The following KCNMB2 variants were observed in gnomAD, a reference collection of about 807,000 sequenced individuals.
The protein encoded by KCNMB2 is potassium calcium-activated channel subfamily M regulatory beta subunit 2.
Under a neutral mutation model 24.5 loss-of-function variants are expected in KCNMB2, and 9 were observed. That is an observed-to-expected ratio of 0.37 (90% CI 0.22 to 0.64). The LOEUF (loss-of-function observed/expected upper bound fraction) is 0.64. Among genes scored for constraint, KCNMB2 ranks in the 30% least tolerant of loss-of-function variants. KCNMB2 has a pLI of 0.63. For missense variants in KCNMB2, 226 were observed against 284.3 expected, an observed-to-expected ratio of 0.79 and a Z score of 1.47; for synonymous variants, 109 against 104.4, an observed-to-expected ratio of 1.04 and a Z score of -0.27.
intron 1 of KCNMB2, among the ~76,000 whole-genome samples, chr3:178,726,173 T>G (rs1367707402): frequency 1.3e-5 from 2 of 152,064 alleles, no homozygotes; most frequent in African/African-American, 2.4e-5. Context: ...ATTTTACTAG[T>G]TCAAGTAGAA....
chr3:178,803,101 C>G (rs1463327023), intron 1 of KCNMB2, among the ~76,000 whole-genome samples: 1 of 152,064 alleles, frequency 6.6e-6, no homozygotes, highest in African/African-American at 2.4e-5. Flanking sequence ...TCCCAAGCAA[C>G]CCAGAAAGGC....
intron 4 of KCNMB2, among the ~76,000 whole-genome samples, chr3:178,838,998 G>A (rs1211460922): frequency 6.6e-6 from 1 of 152,140 alleles, no homozygotes; most frequent in Non-Finnish European, 1.5e-5. Context: ...CTAAAACACT[G>A]TATAGATAAG....
At chr3:178,796,734 G>A (rs552590938) in intron 1 of KCNMB2, among the ~76,000 whole-genome samples, 37 of 152,026 alleles carry the variant, frequency 2.4e-4, no homozygotes, top group Non-Finnish European at 5.0e-4. Flanking sequence ...CAAAACCTAT[G>A]GGATACAGTG....
intron 1 of KCNMB2, among the ~76,000 whole-genome samples, chr3:178,754,150 G>GTATATATATATATATA (rs755809548): frequency 1.6e-4 from 17 of 106,272 alleles, no homozygotes; most frequent in African/African-American, 6.0e-4. Context: ...ATATTCCATT[G>GTATATATATATATATA]TATATATATA....
At chr3:178,540,474 A>G (rs763995851) in intron 1 of KCNMB2, among the ~76,000 whole-genome samples, 3 of 152,154 alleles carry the variant, frequency 2.0e-5, no homozygotes, top group African/African-American at 4.8e-5. Context: ...ATGACTGCAG[A>G]CAGAAGCCAA....
intron 1 of KCNMB2, among the ~76,000 whole-genome samples, chr3:178,694,286 T>C (rs536718755): frequency 1.3e-5 from 2 of 152,182 alleles, no homozygotes; most frequent in Non-Finnish European, 2.9e-5. Flanking sequence ...TAGTCCCTCC[T>C]ATAACATGTG....
At chr3:178,672,143 G>T (rs998625083) in intron 1 of KCNMB2, among the ~76,000 whole-genome samples, 11 of 152,172 alleles carry the variant, frequency 7.2e-5, no homozygotes, top group African/African-American at 2.7e-4. Flanking sequence ...AATAACACAA[G>T]CATGAAGTTT....
At chr3:178,760,507 CGTGTGTGTGT>C (rs34063119) in intron 1 of KCNMB2, among the ~76,000 whole-genome samples, 3 of 117,440 alleles carry the variant, frequency 2.6e-5, no homozygotes, top group Non-Finnish European at 3.6e-5. Context: ...CCAAGAGTTT[CGTGTGTGTGT>C]GTGTGTGTGT....
intron 1 of KCNMB2, among the ~76,000 whole-genome samples, chr3:178,541,829 C>T (rs1246303807): frequency 6.6e-6 from 1 of 152,162 alleles, no homozygotes; most frequent in African/African-American, 2.4e-5. Flanking sequence ...TACTTTTAAA[C>T]TTAACTTCCT....
At chr3:178,758,385 T>C (rs1294344212) in intron 1 of KCNMB2, among the ~76,000 whole-genome samples, 2 of 2,308 alleles carry the variant, frequency 8.7e-4, no homozygotes, top group Non-Finnish European at 1.2e-3. Context: ...CAAGAGGGGA[T>C]ACATATATAT....
chr3:178,841,873 T>C (rs919314277), intron 4 of KCNMB2, among the ~76,000 whole-genome samples: 1 of 152,082 alleles, frequency 6.6e-6, no homozygotes, highest in African/African-American at 2.4e-5. Context: ...GTAAAAGAGG[T>C]AGCCAAAGAA....
intron 2 of KCNMB2, among the ~76,000 whole-genome samples, chr3:178,821,003 T>G (rs956951887): frequency 4.6e-5 from 7 of 150,746 alleles, no homozygotes; most frequent in Non-Finnish European, 8.9e-5. Flanking sequence ...AGCTTCAAAC[T>G]TATAAAGTCA....
At chr3:178,718,244 T>C (rs1722682981) in intron 1 of KCNMB2, among the ~76,000 whole-genome samples, 1 of 152,224 alleles carries the variant, frequency 6.6e-6, no homozygotes, top group East Asian at 1.9e-4. Context: ...GCTTTGTGCC[T>C]GAGAAGAAAC....
At chr3:178,641,463 A>G (rs1719724786) in intron 1 of KCNMB2, among the ~76,000 whole-genome samples, 1 of 152,090 alleles carries the variant, frequency 6.6e-6, no homozygotes, top group Non-Finnish European at 1.5e-5. Flanking sequence ...TTTAAATTTC[A>G]AATCCATTTG....
chr3:178,550,761 G>A (rs953380220), intron 1 of KCNMB2, among the ~76,000 whole-genome samples: 4 of 152,094 alleles, frequency 2.6e-5, no homozygotes, highest in African/African-American at 7.2e-5. Context: ...TTAGCATCTC[G>A]GTGCCTCAGT....
chr3:178,750,217 CA>C (rs34836983), intron 1 of KCNMB2, among the ~76,000 whole-genome samples: 52 of 140,910 alleles, frequency 3.7e-4, no homozygotes, highest in Admixed American at 5.0e-4. Flanking sequence ...ATAACTTTGG[CA>C]AAAAAAAAAA....
At chr3:178,730,994 C>A (rs7644158) in intron 1 of KCNMB2, among the ~76,000 whole-genome samples, 73,859 of 151,856 alleles carry the variant, frequency 0.49, 18,440 homozygotes, top group African/African-American at 0.61. Flanking sequence ...ACTTAAGTAT[C>A]TTCATAAACA....
At chr3:178,678,262 A>G (rs1721140004) in intron 1 of KCNMB2, among the ~76,000 whole-genome samples, 1 of 152,154 alleles carries the variant, frequency 6.6e-6, no homozygotes, top group South Asian at 2.1e-4. Flanking sequence ...GTTAGAACAT[A>G]GTTTATTCTT....
chr3:178,841,485 T>G (rs1249313803), intron 4 of KCNMB2: 1 of 152,160 alleles, frequency 6.6e-6, no homozygotes, highest in Non-Finnish European at 1.5e-5. Context: ...TTTCACACTG[T>G]TATAAAGATA....
Sources: gnomAD v4.1 joint callset for allele counts (sites outside exome capture counted in the v4.1 genomes callset) on GRCh38, gnomAD v4.1.1 for gene constraint, MANE v1.5 for transcripts, NCBI Gene and HGNC (gene_info 2026-07-23, HGNC 2026-07-21) for gene names.